Variants in PIAS4 observed in about 807,000 individuals in gnomAD.
PIAS4 encodes E3 SUMO-protein ligase PIAS4.
In PIAS4, 7 loss-of-function variants were observed where a neutral mutation model predicts 58.0. The observed-to-expected ratio is 0.12, with a 90% CI of 0.07 to 0.23. PIAS4 has a LOEUF of 0.23. Among genes scored for constraint, PIAS4 ranks in the 10% least tolerant of loss-of-function variants. PIAS4 has a pLI of 1.00. For missense variants in PIAS4, 550 were observed against 709.5 expected (o/e 0.78, Z 2.55); for synonymous variants, 364 against 312.4 (o/e 1.17, Z -1.74).
At chr19:4,024,818 TGCAGTGGCGCGATTTTG>T (rs2040146302) in intron 3 of PIAS4, among the ~76,000 whole-genome samples, 2 of 151,958 alleles carry the variant, frequency 1.3e-5, no homozygotes, top group African/African-American at 4.8e-5. Context: ...CAGGCTGGAG[TGCAGTGGCGCGATTTTG>T]GCTTCCTGCA....
At chr19:4,011,672 GGGGGGTGT>G (rs1568211549) in intron 1 of PIAS4, among the ~76,000 whole-genome samples, 4 of 110,426 alleles carry the variant, frequency 3.6e-5, no homozygotes, top group Non-Finnish European at 6.2e-5. Flanking sequence ...GTGGAGGTGT[GGGGGGTGT>G]GGAGGTGTGT....
In PIAS4 at chr19:4,038,255, C is replaced by T. The variant is rs1205412269; in HGVS notation, c.*380C>T. 3.9e-5 allele frequency: 8 copies of T among 206,440 alleles called. No individual in the cohort carries two copies. Among genetic ancestry groups the T allele is most frequent in the Non-Finnish European group, 6.7e-5 (7 of 104,280 alleles). 12.8% of individuals were successfully genotyped at this position (206,440 alleles called of 1,614,324 possible). On this transcript the variant is annotated 3_prime_UTR_variant, in exon 11 of 11. Coordinates refer to ENST00000262971, the MANE Select transcript of PIAS4 (RefSeq NM_015897.4). This position sits in a 1 kb window ranked among gnomAD's most constrained non-coding sequence, Gnocchi z 4.1. ...CCCGCCGCCCGCCGCCCTCTGCCCA[C>T]GACCATTCCAGCCAGTGCGCGGGGA...
intron 2 of PIAS4, among the ~76,000 whole-genome samples, chr19:4,020,495 G>A (rs542868764): frequency 1.1e-4 from 17 of 150,630 alleles, no homozygotes; most frequent in African/African-American, 4.2e-4. Flanking sequence ...CCAGATTCTC[G>A]CTCCCCCACG....
rs771836809 is a variant in PIAS4 at position 4,028,830 on chromosome 19, C to T, written c.783C>T (p.Thr261=). The change falls in exon 6 of 11, where the codon ACC becomes ACT. Residue 261 remains threonine (T), a synonymous_variant. Transcript: ENST00000262971. Reference sequence around the variant, plus strand: ...CGGCCACCAACCGCATCACTGTCACCTGGGGGAACTACGGCAAGGTGAGTG... The same window carrying T: ...CGGCCACCAACCGCATCACTGTCACTTGGGGGAACTACGGCAAGGTGAGTG... ...LSSATNRITV[T]WGNYGKSYSV... 3 of 1,613,596 alleles carry T rather than the reference C, an allele frequency of 1.9e-6. No homozygotes were observed. The highest frequency in any genetic ancestry group is 2.5e-6 in the Non-Finnish European group (3 of 1,179,952).
intron 1 of PIAS4, among the ~76,000 whole-genome samples, chr19:4,012,327 C>T (rs562010666): frequency 2.5e-4 from 38 of 152,184 alleles, no homozygotes; most frequent in African/African-American, 8.7e-4. Context: ...TCATTTGTGA[C>T]AGAGCTCACA....
At chr19:4,026,158 T>C (rs188908377) in intron 3 of PIAS4, among the ~76,000 whole-genome samples, 1 of 145,784 alleles carries the variant, frequency 6.9e-6, no homozygotes, top group East Asian at 2.0e-4. Flanking sequence ...TTTTTTGAAA[T>C]GAAGTCGCTC....
intron 1 of PIAS4, among the ~76,000 whole-genome samples, chr19:4,009,219 C>T (rs1196460999): frequency 6.6e-6 from 1 of 152,124 alleles, no homozygotes. Flanking sequence ...CACATTACCC[C>T]CTGGGATCTG....
chr19:4,036,645 CTG>C (rs894053155), intron 9 of PIAS4, among the ~76,000 whole-genome samples: 1 of 128,838 alleles, frequency 7.8e-6, no homozygotes, highest in African/African-American at 3.4e-5. Context: ...ACAGTCCACA[CTG>C]TCATACACAC....
intron 9 of PIAS4, among the ~76,000 whole-genome samples, chr19:4,034,190 G>A (rs962702005): frequency 1.1e-4 from 16 of 152,324 alleles, no homozygotes; most frequent in South Asian, 4.1e-4. Flanking sequence ...CGCCCACCTC[G>A]TCCCCAGAGC....
intron 3 of PIAS4, among the ~76,000 whole-genome samples, chr19:4,025,274 C>T (rs1352435291): frequency 2.0e-5 from 3 of 152,172 alleles, no homozygotes; most frequent in Non-Finnish European, 2.9e-5. Flanking sequence ...TCGCCTGGGG[C>T]AGGGTCGTCC....
At chr19:4,017,033 C>T (rs1195534143) in intron 2 of PIAS4, among the ~76,000 whole-genome samples, 4 of 152,194 alleles carry the variant, frequency 2.6e-5, no homozygotes, top group African/African-American at 7.2e-5. Flanking sequence ...GCTGCCCGCC[C>T]AGGCCCACCA....
intron 2 of PIAS4, among the ~76,000 whole-genome samples, chr19:4,022,505 T>A (rs2040120113): frequency 6.6e-6 from 1 of 152,060 alleles, no homozygotes; most frequent in African/African-American, 2.4e-5. Flanking sequence ...TAGCTGGGAC[T>A]GCAGGCGCCT....
chr19:4,019,640 G>C (rs543227786), intron 2 of PIAS4, among the ~76,000 whole-genome samples: 26 of 152,342 alleles, frequency 1.7e-4, no homozygotes, highest in African/African-American at 4.6e-4. Context: ...ACTCAGGGCA[G>C]ACCTGGGCGC....
rs555010685 is a variant in PIAS4, at chr19:4,021,301, A to C, written c.455-2735A>C. ...GTAGCTGGGATTAGAGGCGTGTGTCACCATGCCTGGCTAATTTTTGTATTT... is the reference window on the plus strand; with the variant it reads ...GTAGCTGGGATTAGAGGCGTGTGTCCCCATGCCTGGCTAATTTTTGTATTT... On this transcript the variant is annotated intron_variant, in intron 2 of 10. Coordinates refer to ENST00000262971, the MANE Select transcript of PIAS4 (RefSeq NM_015897.4). 3.9e-5 allele frequency among the ~76,000 whole-genome samples: 6 copies of C among 152,094 alleles called. No homozygotes were observed. In the East Asian group the frequency reaches 1.2e-3, roughly 29 times the overall value.
At chr19:4,012,777 C>A in intron 1 of PIAS4, 146 bp from the exon 2 acceptor site, 1 of 846,186 alleles carries the variant, frequency 1.2e-6, no homozygotes, top group Non-Finnish European at 1.9e-6. Flanking sequence ...ACCGTAGGGG[C>A]AGGGCACTCC....
At chr19:4,027,804 C>T (rs1049857705) in intron 3 of PIAS4, among the ~76,000 whole-genome samples, 1 of 152,140 alleles carries the variant, frequency 6.6e-6, no homozygotes, top group Non-Finnish European at 1.5e-5. Flanking sequence ...CCAGCCTTGA[C>T]CTCCCAAACT....
intron 9 of PIAS4, among the ~76,000 whole-genome samples, chr19:4,034,133 C>T (rs2040252487): frequency 6.6e-6 from 1 of 152,244 alleles, no homozygotes; most frequent in African/African-American, 2.4e-5. Flanking sequence ...AGAAACTGAG[C>T]CCCGTTGTCT....
Position 4,031,916 on chromosome 19 carries a change from C to T in PIAS4, c.908-1184C>T, listed in dbSNP as rs576396344. Reference sequence around the variant, plus strand: ...CCCTTTGCCAGGCTTGAGGGTCCACCCGGGCACCGGGTAGCCAGAGCTGGG... The same window carrying T: ...CCCTTTGCCAGGCTTGAGGGTCCACTCGGGCACCGGGTAGCCAGAGCTGGG... On this transcript the variant is annotated intron_variant, in intron 7 of 10. Coordinates refer to ENST00000262971, the MANE Select transcript of PIAS4 (RefSeq NM_015897.4). Among the ~76,000 whole-genome samples the T allele has an allele frequency of 7.9e-5, 12 of 152,318 alleles. No individual in the cohort carries two copies. In the South Asian group the frequency reaches 2.5e-3, roughly 32 times the overall value.
intron 2 of PIAS4, among the ~76,000 whole-genome samples, chr19:4,023,219 C>T (rs2040128424): frequency 6.6e-6 from 1 of 150,996 alleles, no homozygotes; most frequent in South Asian, 2.1e-4. Context: ...TGGCTCACGC[C>T]TGTAATCCCA....
Sources: allele counts gnomAD v4.1 joint callset (sites outside exome capture counted in the v4.1 genomes callset), GRCh38; gene constraint gnomAD v4.1.1; non-coding constraint Gnocchi (gnomAD v3.1); transcripts MANE v1.5; gene names NCBI Gene and HGNC (gene_info 2026-07-23, HGNC 2026-07-21).